Variants in FHL2 observed in about 807,000 individuals in gnomAD.
The protein encoded by FHL2 is four and a half LIM domains 2, also known as four and a half LIM domains protein 2.
FHL2 carries 20 observed loss-of-function variants against 32.7 expected under a neutral mutation model. The observed-to-expected ratio is 0.61, with a 90% CI of 0.43 to 0.89. FHL2 has a LOEUF of 0.89. Ranked by LOEUF, FHL2 falls within the 40% of genes least tolerant of loss-of-function variation. The probability of loss-of-function intolerance (pLI) is 0.00; values close to 1 mark genes in which losing one functional copy is unlikely to be tolerated. For missense variants in FHL2, 311 were observed against 358.6 expected, an observed-to-expected ratio of 0.87 and a Z score of 1.07; for synonymous variants, 123 against 128.1, an observed-to-expected ratio of 0.96 and a Z score of 0.27.
chr2:105,404,436 C>G (rs1386260515), intron 1 of FHL2, among the ~76,000 whole-genome samples: 2 of 152,310 alleles, frequency 1.3e-5, no homozygotes, highest in East Asian at 3.9e-4. Context: ...CATGCCTTCC[C>G]ATGACACAGT....
chr2:105,429,087 C>T lies in FHL2; in HGVS notation c.-25+9312G>A, dbSNP rs79587223. Reference sequence around the variant, plus strand: ...AGAAGGGCAGAAGGGGATGACCTGTCCTGTTTAATGTGGCATACAAAACCT... The same window carrying T: ...AGAAGGGCAGAAGGGGATGACCTGTTCTGTTTAATGTGGCATACAAAACCT... On this transcript the variant is annotated intron_variant, in intron 1 of 5. Coordinates refer to the FHL2 transcript ENST00000393352. Among the ~76,000 whole-genome samples the T allele has an allele frequency of 7.7e-3, 1,171 of 152,264 alleles. 17 individuals carry two copies. The highest frequency in any genetic ancestry group is 0.027 in the African/African-American group (1,116 of 41,550).
chr2:105,436,852 T>C (rs1030999275), intron 1 of FHL2, among the ~76,000 whole-genome samples: 1 of 152,222 alleles, frequency 6.6e-6, no homozygotes, highest in African/African-American at 2.4e-5. Context: ...GTGAAAAAGA[T>C]ATAAACAATC....
chr2:105,368,409 G>A (rs1680789380), intron 4 of FHL2, among the ~76,000 whole-genome samples: 1 of 152,136 alleles, frequency 6.6e-6, no homozygotes, highest in South Asian at 2.1e-4. Context: ...CTGGCTCACT[G>A]CAGCCTTGAA....
At chr2:105,373,788 C>A in intron 3 of FHL2, 55 bp from the exon 4 acceptor site, 1 of 1,592,874 alleles carries the variant, frequency 6.3e-7, no homozygotes, top group Non-Finnish European at 8.6e-7. Context: ...GGCTTGGACC[C>A]ACAGCATAGG....
intron 1 of FHL2, among the ~76,000 whole-genome samples, chr2:105,437,316 T>A (rs1684641024): frequency 6.6e-6 from 1 of 152,234 alleles, no homozygotes; most frequent in Non-Finnish European, 1.5e-5. Context: ...CAGCCCATCC[T>A]GGATACCCCA....
intron 1 of FHL2, among the ~76,000 whole-genome samples, chr2:105,408,782 G>A (rs1216790387): frequency 6.6e-6 from 1 of 152,168 alleles, no homozygotes; most frequent in Non-Finnish European, 1.5e-5. Context: ...TATTTTGACT[G>A]CTGATAGGGT....
rs1680209204 is a variant in FHL2 at position 105,360,979 on chromosome 2, A to G, written c.*304T>C. On this transcript the variant is annotated 3_prime_UTR_variant, in exon 7 of 7. Coordinates refer to ENST00000530340, the MANE Select transcript of FHL2 (RefSeq NM_001318895.3). ...ACATATGTTAATTGCACTTAAATAGACAGTGAGAGAAAGATTTATAAAGGC... is the reference window on the plus strand; with the variant it reads ...ACATATGTTAATTGCACTTAAATAGGCAGTGAGAGAAAGATTTATAAAGGC... 4.1e-6 allele frequency: 1 copy of G among 244,238 alleles called. No individual in the cohort carries two copies. The highest frequency in any genetic ancestry group is 7.9e-6 in the Non-Finnish European group (1 of 126,716). The allele number at this position is 244,238 out of a possible 1,614,324, so 15.1% of individuals were successfully genotyped here.
chr2:105,362,037 C>T (rs1680309644), intron 6 of FHL2, among the ~76,000 whole-genome samples: 1 of 152,184 alleles, frequency 6.6e-6, no homozygotes, highest in Non-Finnish European at 1.5e-5. Context: ...TGTTTTTTCT[C>T]AGTGCCACAA....
chr2:105,398,995 C>G lies in FHL2; in HGVS notation c.-229G>C, dbSNP rs760244854. Reference sequence around the variant, plus strand: ...GGCACCGCAGCGGGCCGGGGACTCCCGGACGGGGCTGGAGGGCGCGGGCGG... The same window carrying G: ...GGCACCGCAGCGGGCCGGGGACTCCGGGACGGGGCTGGAGGGCGCGGGCGG... On this transcript the variant is annotated 5_prime_UTR_variant, in exon 1 of 7. Transcript: ENST00000530340. 9.3e-6 allele frequency: 14 copies of G among 1,502,754 alleles called. No homozygotes were observed. Among genetic ancestry groups the G allele is most frequent in the Non-Finnish European group, 1.2e-5 (14 of 1,129,442 alleles). The allele number at this position is 1,502,754 out of a possible 1,614,324, so 93.1% of individuals were successfully genotyped here.
At chr2:105,422,366 C>A (rs1684129533) in intron 1 of FHL2, among the ~76,000 whole-genome samples, 1 of 152,080 alleles carries the variant, frequency 6.6e-6, no homozygotes, top group South Asian at 2.1e-4. Flanking sequence ...ATTGCAGGGG[C>A]CCTATGTGGA....
chr2:105,425,116 T>A (rs1334790277), intron 1 of FHL2, among the ~76,000 whole-genome samples: 1 of 152,190 alleles, frequency 6.6e-6, no homozygotes, highest in Non-Finnish European at 1.5e-5. Flanking sequence ...GACCTGTACT[T>A]TAAACAATTG....
At chr2:105,394,731 C>T (rs960581142) in intron 2 of FHL2, among the ~76,000 whole-genome samples, 1 of 152,180 alleles carries the variant, frequency 6.6e-6, no homozygotes, top group African/African-American at 2.4e-5. Flanking sequence ...ATGCTTACCA[C>T]TGTATAATAT....
intron 4 of FHL2, among the ~76,000 whole-genome samples, chr2:105,370,346 G>T (rs1462278031): frequency 6.6e-6 from 1 of 151,870 alleles, no homozygotes; most frequent in East Asian, 1.9e-4. Context: ...CTACTCTCCC[G>T]CCTGAGCGAA....
At chr2:105,398,768 C>T in intron 1 of FHL2, 74 bp downstream of exon 1, 6 of 1,256,058 alleles carry the variant, frequency 4.8e-6, no homozygotes, top group Non-Finnish European at 5.3e-6. Flanking sequence ...TCCTTTCTCC[C>T]GGCTTCTCCC....
At chr2:105,404,718 G>A (rs1683573397) in intron 1 of FHL2, among the ~76,000 whole-genome samples, 1 of 152,160 alleles carries the variant, frequency 6.6e-6, no homozygotes, top group Admixed American at 6.5e-5. Flanking sequence ...TTTCCACAAA[G>A]GGCAAGCTCT....
rs180990671 is a variant in FHL2 at position 105,425,641 on chromosome 2, G to A, written c.-25+12758C>T. ...GATAGGAGAAAAGCTGCCCTGTGGC[G>A]GGAGACGAGACATGTTTGCAGTAAT... On this transcript the variant is annotated intron_variant, in intron 1 of 5. Coordinates refer to the FHL2 transcript ENST00000393352. Among the ~76,000 whole-genome samples, 393 of 152,156 alleles carry A rather than the reference G, an allele frequency of 2.6e-3. 1 individual carries two copies. Among genetic ancestry groups the A allele is most frequent in the Admixed American group, 7.5e-3 (115 of 15,284 alleles).
At chr2:105,432,368 G>T (rs1684463564) in intron 1 of FHL2, among the ~76,000 whole-genome samples, 2 of 152,208 alleles carry the variant, frequency 1.3e-5, no homozygotes, top group South Asian at 2.1e-4. Flanking sequence ...TAACTGATTT[G>T]ACTGTCTTGT....
upstream of FHL2, chr2:105,399,389 G>C (rs757758257): frequency 1.3e-6 from 2 of 1,536,088 alleles, no homozygotes; most frequent in Admixed American, 2.0e-5. Context: ...TCCCAGGAGC[G>C]GGAGACTGGA....
intron 1 of FHL2, among the ~76,000 whole-genome samples, chr2:105,427,031 G>C (rs1366045323): frequency 6.6e-6 from 1 of 152,222 alleles, no homozygotes; most frequent in Non-Finnish European, 1.5e-5. Flanking sequence ...AGAGAATGGA[G>C]GATGCCTGAG....
Sources: gnomAD v4.1 joint callset for allele counts (sites outside exome capture counted in the v4.1 genomes callset) on GRCh38, gnomAD v4.1.1 for gene constraint, MANE v1.5 for transcripts, NCBI Gene and HGNC (gene_info 2026-07-23, HGNC 2026-07-21) for gene names.